Variants in ESPN observed in about 807,000 individuals in gnomAD.
ESPN encodes espin.
ESPN carries 68 observed loss-of-function variants against 77.7 expected under a neutral mutation model. The observed-to-expected ratio is 0.87, with a 90% CI of 0.72 to 1.07. ESPN has a LOEUF of 1.07. ESPN is among the 50% of genes least tolerant of loss of function. The pLI is 0.00. For missense variants in ESPN, 1,060 were observed against 1,239.0 expected, an observed-to-expected ratio of 0.86 and a Z score of 2.17; for synonymous variants, 449 against 567.1, an observed-to-expected ratio of 0.79 and a Z score of 2.96.
rs545874072 is a variant in ESPN at position 6,450,510 on chromosome 1, C to T, written c.1916-1093C>T. ...GCGCGGCTCCTGGCTGAGGCTGAGGCGCGGGGTGGGGGGAAGAGGCAGGAA... is the reference window on the plus strand; with the variant it reads ...GCGCGGCTCCTGGCTGAGGCTGAGGTGCGGGGTGGGGGGAAGAGGCAGGAA... On this transcript the variant is annotated intron_variant, in intron 8 of 12. Coordinates refer to ENST00000645284, the MANE Select transcript of ESPN (RefSeq NM_031475.3). This position sits in a 1 kb window ranked among gnomAD's most constrained non-coding sequence, Gnocchi z 4.3. 1,591 of 951,032 alleles carry T rather than the reference C, an allele frequency of 1.7e-3. 3 individuals carry two copies. Among genetic ancestry groups the T allele is most frequent in the South Asian group, 3.5e-3 (72 of 20,540 alleles). The allele number at this position is 951,032 out of a possible 1,614,324, so 58.9% of individuals were successfully genotyped here. A position where few individuals can be genotyped will look rare whatever the true frequency, so the allele number is the denominator to read the frequency against.
chr1:6,429,348 G>T (rs533506950), intron 2 of ESPN, among the ~76,000 whole-genome samples: 2 of 152,202 alleles, frequency 1.3e-5, no homozygotes, highest in South Asian at 4.2e-4. Flanking sequence ...AACAAACTAG[G>T]ATTTGGATCA....
At position 6,450,695 on chromosome 1, in the gene ESPN, T is replaced by G. The variant is rs1318644820; in HGVS notation, c.1916-908T>G. Among the ~76,000 whole-genome samples the G allele has an allele frequency of 6.6e-6, 1 of 152,044 alleles. No homozygotes were observed. The highest frequency in any genetic ancestry group is 1.5e-5 in the Non-Finnish European group (1 of 68,014). On this transcript the variant is annotated intron_variant, in intron 8 of 12. Transcript: ENST00000645284. The surrounding 1 kb of genome is among the most constrained non-coding windows in gnomAD (Gnocchi z 4.3). ...CACCTGGCTGATGGTTTTGCCTAAA[T>G]AAATGAGCCAGCCACACCGATTTTC...
chr1:6,440,212 G>A (rs1229697309), intron 2 of ESPN, 42 bp from the exon 3 acceptor site: 5 of 1,535,758 alleles, frequency 3.3e-6, no homozygotes, highest in Non-Finnish European at 3.5e-6. Context: ...CTCGGAGGGG[G>A]TGAGGCGCTG....
Position 6,447,661 on chromosome 1 carries a change from G to A in ESPN, c.1465-980G>A, listed in dbSNP as rs1643874499. 6.6e-6 allele frequency among the ~76,000 whole-genome samples: 1 copy of A among 152,206 alleles called. No individual in the cohort carries two copies. Among genetic ancestry groups the A allele is most frequent in the Admixed American group, 6.5e-5 (1 of 15,286 alleles). On this transcript the variant is annotated intron_variant, in intron 7 of 12. Transcript: ENST00000645284. This position sits in a 1 kb window ranked among gnomAD's most constrained non-coding sequence, Gnocchi z 5.2. ...CCCCGCCTTACGGCCCCTGAAATCC[G>A]AGGCTTGAGCGCGGGTGTCGGTGTC...
chr1:6,454,284 C>A (rs561813151), intron 10 of ESPN: 2 of 397,330 alleles, frequency 5.0e-6, no homozygotes, highest in African/African-American at 4.1e-5. Context: ...AGCGTCACCC[C>A]CCGCCGGCCA....
intron 6 of ESPN, among the ~76,000 whole-genome samples, 184 bp downstream of exon 6, chr1:6,444,866 G>A (rs554781536): frequency 6.6e-6 from 1 of 152,282 alleles, no homozygotes; most frequent in East Asian, 1.9e-4. Flanking sequence ...ATACTTGTGT[G>A]TGCTTATCAC....
At chr1:6,460,971 C>G (rs1022477251), downstream of ESPN, 5 of 375,558 alleles carry the variant, frequency 1.3e-5, no homozygotes, top group Non-Finnish European at 2.2e-5. Flanking sequence ...CTTGCTCTCT[C>G]CTTCTCGGGG....
rs1363739171 is a variant in ESPN at position 6,451,074 on chromosome 1, G to A, written c.1916-529G>A. ...AATGTGTCTGCTTGTGCATCTGTCT[G>A]TGGGTGTGGTGGGGAGGGAGGGGAC... On this transcript the variant is annotated intron_variant, in intron 8 of 12. Coordinates refer to ENST00000645284, the MANE Select transcript of ESPN (RefSeq NM_031475.3). This position sits in a 1 kb window ranked among gnomAD's most constrained non-coding sequence, Gnocchi z 4.3. 6.6e-6 allele frequency among the ~76,000 whole-genome samples: 1 copy of A among 152,208 alleles called. No homozygotes were observed. Among genetic ancestry groups the A allele is most frequent in the African/African-American group, 2.4e-5 (1 of 41,454 alleles).
chr1:6,440,378 G>C lies in ESPN; in HGVS notation c.613G>C (p.Asp205His). The C allele has an allele frequency of 6.3e-7, 1 of 1,589,088 alleles. No homozygotes were observed. ...CGADPHARAH[D>H]GMTPLHAAAQ... ...CGCAGACCCGCACGCGCGCGCCCAC[G>C]ACGGCATGACCCCGCTGCACGCCGC... is the stretch of plus-strand genomic sequence containing the variant. Residue 205 changes from aspartate to histidine, a missense_variant, in exon 3 of 13, where the codon GAC becomes CAC. Physicochemically the swap from Asp to His is moderately conservative, Grantham distance 81 (BLOSUM62 -1). Around this residue, in one of 3 missense-constraint regions of ESPN, gnomAD observed 556 missense variants for 633.6 expected, o/e 0.88. Coordinates refer to ENST00000645284, the MANE Select transcript of ESPN (RefSeq NM_031475.3).
intron 2 of ESPN, among the ~76,000 whole-genome samples, chr1:6,438,340 G>T (rs778470415): frequency 3.9e-5 from 6 of 152,366 alleles, no homozygotes; most frequent in Non-Finnish European, 5.9e-5. Flanking sequence ...CAGGCACCAG[G>T]CCTGTGCTCA....
At chr1:6,459,244 T>TAA (rs56360855) in intron 12 of ESPN, among the ~76,000 whole-genome samples, 8 of 141,088 alleles carry the variant, frequency 5.7e-5, no homozygotes, top group Admixed American at 7.1e-5. Context: ...CTGTCTCAAT[T>TAA]AAAAAAAAAA....
At chr1:6,459,489 A>G (rs1644116786) in intron 12 of ESPN, among the ~76,000 whole-genome samples, 2 of 152,158 alleles carry the variant, frequency 1.3e-5, no homozygotes, top group African/African-American at 4.8e-5. Context: ...CCACATTTCA[A>G]ATGTTCAGCA....
chr1:6,428,321 C>T lies in ESPN; in HGVS notation c.390C>T (p.Asp130=), dbSNP rs112712922. The T allele has an allele frequency of 4.8e-5, 77 of 1,612,882 alleles. No individual in the cohort carries two copies. The highest frequency in any genetic ancestry group is 6.1e-5 in the Non-Finnish European group (72 of 1,179,970). Residue 130 remains aspartate (D), a synonymous_variant, in exon 2 of 13, where the codon GAC becomes GAT. Transcript: ENST00000645284. The surrounding 1 kb of genome is among the most constrained non-coding windows in gnomAD (Gnocchi z 5.4). ...VNWLLHHGGG[D]PTAATDMGAL... ...GGCTCTTGCATCATGGCGGTGGGGA[C>T]CCCACCGCGGCCACAGACATGGGCG... is the stretch of plus-strand genomic sequence containing the variant.
intron 7 of ESPN, chr1:6,448,343 G>C: frequency 2.7e-6 from 1 of 364,218 alleles, no homozygotes. Flanking sequence ...CTGGCGTCGG[G>C]GCTGGGCCAC....
rs1230011315 is a variant in ESPN, at chr1:6,440,649, G to T, written c.699G>T (p.Leu233=). Residue 233 remains leucine (L), a synonymous_variant, in exon 4 of 13, where the codon CTG becomes CTT. Coordinates refer to ENST00000645284, the MANE Select transcript of ESPN (RefSeq NM_031475.3). ...VWLVSCTDVS[L]SEQDKDGATA... ...AGGTGAGCTGCACCGACGTGAGCCT[G>T]TCCGAGCAGGACAAAGACGGCGCCA... is the stretch of plus-strand genomic sequence containing the variant. 6.6e-7 allele frequency: 1 copy of T among 1,504,270 alleles called. No individual in the cohort carries two copies. Among genetic ancestry groups the T allele is most frequent in the African/African-American group, 1.4e-5 (1 of 69,942 alleles). 93.2% of individuals were successfully genotyped at this position (1,504,270 alleles called of 1,614,324 possible). A position where few individuals can be genotyped will look rare whatever the true frequency, so the allele number is the denominator to read the frequency against.
At chr1:6,440,601 C>CCCAAAAA in intron 3 of ESPN, 25 bp from the exon 4 acceptor site, 3 of 1,253,552 alleles carry the variant, frequency 2.4e-6, no homozygotes, top group African/African-American at 1.6e-5. Flanking sequence ...GCCCCCGCCC[C>CCCAAAAA]CCTCTCCCCG....
At position 6,425,199 on chromosome 1, in the gene ESPN, C is replaced by T. The variant is rs2148499067; in HGVS notation, c.244C>T (p.His82Tyr). 4 of 1,547,518 alleles carry T rather than the reference C, an allele frequency of 2.6e-6. No homozygotes were observed. Among genetic ancestry groups the T allele is most frequent in the African/African-American group, 2.7e-5 (2 of 73,536 alleles). Residue 82 changes from histidine (H) to tyrosine (Y), a missense_variant, in exon 1 of 13, where the codon CAC becomes TAC. His to Tyr is a moderately conservative substitution (Grantham distance 83). Coordinates refer to ENST00000645284, the MANE Select transcript of ESPN (RefSeq NM_031475.3). ...GGCCCACGACGCCTCCGCCACCGGC[C>T]ACCTCGCCTGCCTGCAGTGGCTGCT... Reference protein sequence around the residue: ...TPAHDASATGHLACLQWLLSQ... With the variant: ...TPAHDASATGYLACLQWLLSQ...
At chr1:6,442,712 A>G (rs1219554891) in intron 5 of ESPN, among the ~76,000 whole-genome samples, 1 of 151,218 alleles carries the variant, frequency 6.6e-6, no homozygotes, top group Non-Finnish European at 1.5e-5. Context: ...TATTAAAAAT[A>G]TAAAAATTAG....
intron 10 of ESPN, chr1:6,454,818 G>A (rs1166690598): frequency 5.5e-5 from 22 of 396,868 alleles, no homozygotes; most frequent in Non-Finnish European, 9.3e-5. Context: ...GCTGCTGACC[G>A]CTGACACGGG....
Sources: allele counts gnomAD v4.1 joint callset (sites outside exome capture counted in the v4.1 genomes callset), GRCh38; gene constraint gnomAD v4.1.1; regional missense constraint gnomAD v4.1.1; non-coding constraint Gnocchi (gnomAD v3.1); transcripts MANE v1.5; gene names NCBI Gene and HGNC (gene_info 2026-07-23, HGNC 2026-07-21).